TASL: variants seen among roughly 807,000 people sequenced by gnomAD.
TASL encodes TLR adapter interacting with SLC15A4 on the lysosome.
TASL carries 6 observed loss-of-function variants against 12.9 expected under a neutral mutation model. The ratio of observed to expected loss-of-function variants is 0.46; its 90% confidence interval spans 0.25 to 0.92. The LOEUF (loss-of-function observed/expected upper bound fraction) is 0.92. Ranked by LOEUF, TASL falls within the 40% of genes least tolerant of loss-of-function variation. TASL has a pLI of 0.17. For missense variants in TASL, 165 were observed against 212.8 expected (o/e 0.78, Z 1.40); for synonymous variants, 85 against 79.3 (o/e 1.07, Z -0.38).
At chrX:30,565,779 T>C (rs1930489088) in intron 2 of TASL, among the ~76,000 whole-genome samples, 2 of 111,538 alleles carry the variant, frequency 1.8e-5, no homozygotes, top group African/African-American at 3.3e-5. Context: ...TTTTTTTGTT[T>C]TTTTGTTTTT....
chrX:30,573,575 G>A (rs1930661727), intron 2 of TASL, among the ~76,000 whole-genome samples: 2 of 111,405 alleles, frequency 1.8e-5, no homozygotes, highest in East Asian at 5.6e-4. Context: ...CACTGCTATA[G>A]CCTGGCATCG....
chrX:30,566,520 T>TA (rs1366835413), intron 2 of TASL, among the ~76,000 whole-genome samples: 1 of 109,350 alleles, frequency 9.1e-6, no homozygotes, highest in Non-Finnish European at 1.9e-5. Flanking sequence ...AACAAACAAA[T>TA]AAAAAAAAGA....
Position 30,559,551 on chromosome X carries a change from C to A in TASL, c.805G>T (p.Asp269Tyr). Residue 269 changes from aspartate to tyrosine, a missense_variant, in exon 3 of 3, where the codon GAT (aspartate) becomes TAT (tyrosine). Physicochemically the swap from Asp to Tyr is radical, Grantham distance 160. Coordinates refer to ENST00000378962, the MANE Select transcript of TASL (RefSeq NM_025159.3). ...EKNLETSKAR[D>Y]IVFSRLLQLM... ...TGCAATAGGCGGCTAAAGACTATATCTCTGGCTTTTGAGGTCTCCAGATTC... is the reference window on the plus strand; with the variant it reads ...TGCAATAGGCGGCTAAAGACTATATATCTGGCTTTTGAGGTCTCCAGATTC... 8.3e-7 allele frequency: 1 copy of A among 1,209,053 alleles called. No individual in the cohort carries two copies. Among genetic ancestry groups the A allele is most frequent in the Non-Finnish European group, 1.1e-6 (1 of 893,214 alleles).
chrX:30,571,911 C>T (rs1038573122), intron 2 of TASL, among the ~76,000 whole-genome samples: 2 of 110,145 alleles, frequency 1.8e-5, no homozygotes, highest in Non-Finnish European at 3.8e-5. Context: ...AAATTTAACC[C>T]AATGGATTAC....
At chrX:30,576,230 G>A (rs868464224) in intron 2 of TASL, among the ~76,000 whole-genome samples, 1 of 111,719 alleles carries the variant, frequency 9.0e-6, no homozygotes, top group Admixed American at 9.6e-5. Flanking sequence ...TTATGTTTCC[G>A]TGGTGTTGTA....
chrX:30,568,051 A>G (rs962730569), intron 2 of TASL, among the ~76,000 whole-genome samples: 1 of 111,644 alleles, frequency 9.0e-6, no homozygotes, highest in Non-Finnish European at 1.9e-5. Flanking sequence ...AGCCTGGCCA[A>G]TATGATGAAA....
At position 30,559,406 on chromosome X, in the gene TASL, C is replaced by T. The variant is rs1198730202; in HGVS notation, c.*44G>A. 3 of 992,510 alleles carry T rather than the reference C, an allele frequency of 3.0e-6. No individual in the cohort carries two copies. The highest frequency in any genetic ancestry group is 4.1e-6 in the Non-Finnish European group (3 of 725,635). The allele number at this position is 992,510 out of a possible 1,213,427, so 81.8% of individuals were successfully genotyped here. A position where few individuals can be genotyped will look rare whatever the true frequency, so the allele number is the denominator to read the frequency against. On this transcript the variant is annotated 3_prime_UTR_variant, in exon 3 of 3. Transcript: ENST00000378962. Reference sequence around the variant, plus strand: ...CTCAGAATAAATGGATAAAGTGTTGCTTCATGTTTAAGTAAATGCGAGACA... The same window carrying T: ...CTCAGAATAAATGGATAAAGTGTTGTTTCATGTTTAAGTAAATGCGAGACA...
chrX:30,571,804 T>C (rs1930631282), intron 2 of TASL, among the ~76,000 whole-genome samples: 1 of 111,231 alleles, frequency 9.0e-6, no homozygotes, highest in Non-Finnish European at 1.9e-5. Flanking sequence ...TTTGAAATTC[T>C]AATAAGATAT....
At chrX:30,567,841 G>A (rs1930522500) in intron 2 of TASL, among the ~76,000 whole-genome samples, 2 of 112,254 alleles carry the variant, frequency 1.8e-5, no homozygotes, top group South Asian at 3.7e-4. Flanking sequence ...AAGGACAGCA[G>A]TTTTTCATAA....
chrX:30,561,675 G>C (rs1254004000), intron 2 of TASL, among the ~76,000 whole-genome samples: 7 of 109,486 alleles, frequency 6.4e-5, no homozygotes, highest in African/African-American at 2.4e-4. Flanking sequence ...TTTAAAAATT[G>C]TATAAGGGTA....
chrX:30,560,897 G>C (rs1018621578), intron 2 of TASL, among the ~76,000 whole-genome samples: 3 of 111,034 alleles, frequency 2.7e-5, no homozygotes, highest in Admixed American at 1.9e-4. Flanking sequence ...TTGGCAGTCA[G>C]GCAAAAGCAT....
At chrX:30,567,972 C>T (rs1930524674) in intron 2 of TASL, among the ~76,000 whole-genome samples, 1 of 111,798 alleles carries the variant, frequency 8.9e-6, no homozygotes, top group South Asian at 3.7e-4. Context: ...TACGGTGGCT[C>T]ACACCTGTAA....
rs935933392 is a variant in TASL, at chrX:30,560,170, G to T, written c.186C>A (p.Gly62=). The change falls in exon 3 of 3, where the codon GGC becomes GGA. Residue 62 remains glycine (G), a synonymous_variant. Transcript: ENST00000378962. ...RSLYVSCKSS[G]KFISSVHSRE... Reference sequence around the variant, plus strand: ...TTGAATGCACTGAAGAGATAAACTTGCCAGATGATTTGCAGCTCACGTAGA... The same window carrying T: ...TTGAATGCACTGAAGAGATAAACTTTCCAGATGATTTGCAGCTCACGTAGA... 3 of 1,208,878 alleles carry T rather than the reference G, an allele frequency of 2.5e-6. No individual in the cohort carries two copies. The African/African-American group carries it at 5.3e-5, about 21-fold the overall frequency.
At chrX:30,570,846 C>A (rs1314746164) in intron 2 of TASL, among the ~76,000 whole-genome samples, 1 of 111,274 alleles carries the variant, frequency 9.0e-6, no homozygotes. Flanking sequence ...CTAGTTTAGG[C>A]CCTTTGCTTC....
intron 2 of TASL, among the ~76,000 whole-genome samples, chrX:30,565,759 AT>A: frequency 9.0e-6 from 1 of 111,082 alleles, no homozygotes; most frequent in East Asian, 2.8e-4. Flanking sequence ...TAACTGCAGT[AT>A]TTTTTTTGTT....
At chrX:30,563,657 A>G (rs945903644) in intron 2 of TASL, among the ~76,000 whole-genome samples, 6 of 112,041 alleles carry the variant, frequency 5.4e-5, no homozygotes, top group African/African-American at 1.9e-4. Flanking sequence ...AGTGAAACAG[A>G]GGGTCTCTGG....
At chrX:30,562,446 G>T (rs1276626358) in intron 2 of TASL, among the ~76,000 whole-genome samples, 1 of 111,466 alleles carries the variant, frequency 9.0e-6, no homozygotes, top group African/African-American at 3.3e-5. Flanking sequence ...CATCAAGTCT[G>T]CTCACACATC....
At chrX:30,569,729 C>T (rs781731898) in intron 2 of TASL, among the ~76,000 whole-genome samples, 9 of 111,367 alleles carry the variant, frequency 8.1e-5, no homozygotes, top group Non-Finnish European at 1.1e-4. Flanking sequence ...AATCTATATT[C>T]GGGCCGGGCA....
intron 2 of TASL, among the ~76,000 whole-genome samples, chrX:30,569,112 A>G (rs1930549721): frequency 9.0e-6 from 1 of 111,427 alleles, no homozygotes; most frequent in African/African-American, 3.3e-5. Context: ...CAGGTAAGGA[A>G]GCTGATTCAC....
Sources: allele counts gnomAD v4.1 joint callset (sites outside exome capture counted in the v4.1 genomes callset), GRCh38; gene constraint gnomAD v4.1.1; transcripts MANE v1.5; gene names NCBI Gene and HGNC (gene_info 2026-07-23, HGNC 2026-07-21).